The following ESRRG variants were observed in gnomAD, a reference collection of about 807,000 sequenced individuals.
ESRRG encodes the protein estrogen related receptor gamma, also known as estrogen-related receptor gamma.
ESRRG carries 13 observed loss-of-function variants against 44.0 expected under a neutral mutation model. The ratio of observed to expected loss-of-function variants is 0.30; its 90% CI spans 0.19 to 0.47. ESRRG has a LOEUF of 0.47. ESRRG is among the 20% of genes least tolerant of loss of function. The pLI is 1.00. For missense variants in ESRRG, 395 were observed against 580.6 expected, an observed-to-expected ratio of 0.68 and a Z score of 3.29; for synonymous variants, 215 against 214.6, an observed-to-expected ratio of 1.00 and a Z score of -0.02.
chr1:216,973,744 T>C (rs934709474), intron 1 of ESRRG, among the ~76,000 whole-genome samples: 6 of 151,400 alleles, frequency 4.0e-5, no homozygotes, highest in Non-Finnish European at 8.8e-5. Context: ...AAGAATTGCT[T>C]GAACCTGGGA....
At chr1:216,801,674 A>T (rs936081443) in intron 2 of ESRRG, among the ~76,000 whole-genome samples, 1 of 152,074 alleles carries the variant, frequency 6.6e-6, no homozygotes, top group Non-Finnish European at 1.5e-5. Context: ...TTCGATTTGC[A>T]TCTCCCTAAT....
intron 2 of ESRRG, among the ~76,000 whole-genome samples, chr1:216,751,648 C>A (rs1021583244): frequency 6.6e-6 from 1 of 152,036 alleles, no homozygotes; most frequent in Non-Finnish European, 1.5e-5. Flanking sequence ...CCAAAAGACA[C>A]AAGATGGCTA....
chr1:216,677,101 C>T lies in ESRRG; in HGVS notation c.447G>A (p.Lys149=). The change falls in exon 2 of 7, where the codon AAG becomes AAA. Residue 149 remains lysine, a synonymous_variant. Transcript: ENST00000408911. Reference sequence around the variant, plus strand: ...CTTGAATTGTCCTCTTGAAGAATGCCTTGCAGGCTTCACATGATGCTACCC... The same window carrying T: ...CTTGAATTGTCCTCTTGAAGAATGCTTTGCAGGCTTCACATGATGCTACCC... ...HYGVASCEAC[K]AFFKRTIQGN... 4 of 1,614,090 alleles carry T rather than the reference C, an allele frequency of 2.5e-6. No individual in the cohort carries two copies. Among genetic ancestry groups the T allele is most frequent in the Non-Finnish European group, 3.4e-6 (4 of 1,179,964 alleles).
chr1:216,784,411 G>C (rs967823840), intron 2 of ESRRG, among the ~76,000 whole-genome samples: 1 of 151,910 alleles, frequency 6.6e-6, no homozygotes, highest in Non-Finnish European at 1.5e-5. Flanking sequence ...ATGAGTCATA[G>C]TAAAAGAAAG....
intron 5 of ESRRG, among the ~76,000 whole-genome samples, chr1:216,563,016 C>G (rs1003880983): frequency 6.6e-6 from 1 of 152,122 alleles, no homozygotes; most frequent in Non-Finnish European, 1.5e-5. Flanking sequence ...TCCACACAAT[C>G]AAATTCTTAT....
intron 1 of ESRRG, among the ~76,000 whole-genome samples, chr1:216,953,368 A>T (rs1027938595): frequency 2.0e-5 from 3 of 151,970 alleles, no homozygotes; most frequent in Non-Finnish European, 4.4e-5. Flanking sequence ...CATTTATGTA[A>T]CCCCCCTGTT....
intron 3 of ESRRG, among the ~76,000 whole-genome samples, chr1:216,632,297 A>G (rs553385348): frequency 6.6e-6 from 1 of 152,314 alleles, no homozygotes; most frequent in South Asian, 2.1e-4. Flanking sequence ...GTTCTATGCA[A>G]CTTATGTATC....
At chr1:216,774,840 C>T (rs1163443022) in intron 2 of ESRRG, among the ~76,000 whole-genome samples, 2 of 127,428 alleles carry the variant, frequency 1.6e-5, no homozygotes, top group South Asian at 5.1e-4. Context: ...GTCAACCAGG[C>T]TGGAGTGCTG....
At chr1:216,696,339 T>C (rs1476518788) in intron 1 of ESRRG, among the ~76,000 whole-genome samples, 3 of 152,178 alleles carry the variant, frequency 2.0e-5, no homozygotes, top group Admixed American at 2.0e-4. Context: ...ACTTAATATG[T>C]CAACTGTAGA....
chr1:216,556,586 C>T (rs2057632249), intron 5 of ESRRG, among the ~76,000 whole-genome samples: 2 of 152,156 alleles, frequency 1.3e-5, no homozygotes, highest in Admixed American at 1.3e-4. Context: ...TAGCACTTCA[C>T]TGCCTTCAGA....
At chr1:216,629,772 A>G (rs556484148) in intron 3 of ESRRG, among the ~76,000 whole-genome samples, 1 of 152,328 alleles carries the variant, frequency 6.6e-6, no homozygotes, top group Non-Finnish European at 1.5e-5. Context: ...TTAGAATTTG[A>G]TGATTTTGTT....
intron 2 of ESRRG, among the ~76,000 whole-genome samples, chr1:216,833,309 G>A (rs930006173): frequency 2.6e-5 from 4 of 152,286 alleles, no homozygotes; most frequent in Admixed American, 1.3e-4. Context: ...TAGAAATAAC[G>A]TGTAAGGTGA....
chr1:216,679,142 G>A (rs2076592538), intron 1 of ESRRG, among the ~76,000 whole-genome samples: 1 of 152,188 alleles, frequency 6.6e-6, no homozygotes, highest in African/African-American at 2.4e-5. Flanking sequence ...CGAAAGCCAC[G>A]AAAATATCTT....
At chr1:216,781,919 CCT>C (rs2093951956) in intron 2 of ESRRG, among the ~76,000 whole-genome samples, 1 of 151,988 alleles carries the variant, frequency 6.6e-6, no homozygotes, top group African/African-American at 2.4e-5. Flanking sequence ...AGGTGACAAG[CCT>C]CTGATTGAAA....
chr1:217,031,899 G>A (rs1461464260), intron 1 of ESRRG, among the ~76,000 whole-genome samples: 1 of 152,164 alleles, frequency 6.6e-6, no homozygotes, highest in Non-Finnish European at 1.5e-5. Flanking sequence ...CTGTGGAAAT[G>A]TGATTCAATT....
At chr1:216,575,325 T>G (rs933734225) in intron 3 of ESRRG, among the ~76,000 whole-genome samples, 2 of 152,150 alleles carry the variant, frequency 1.3e-5, no homozygotes, top group Non-Finnish European at 2.9e-5. Context: ...CAAAATAGAT[T>G]ATGATATTGT....
At chr1:216,614,464 T>C (rs956407624) in intron 3 of ESRRG, among the ~76,000 whole-genome samples, 1 of 152,170 alleles carries the variant, frequency 6.6e-6, no homozygotes, top group African/African-American at 2.4e-5. Context: ...TGAATATATA[T>C]CTGGTGAGTA....
intron 1 of ESRRG, among the ~76,000 whole-genome samples, chr1:216,980,010 G>C (rs1022640360): frequency 1.4e-4 from 22 of 151,914 alleles, no homozygotes; most frequent in African/African-American, 5.1e-4. Flanking sequence ...TAAACCTAAG[G>C]ACTCTTCCAT....
At chr1:216,746,335 C>G (rs568673749) in intron 2 of ESRRG, among the ~76,000 whole-genome samples, 24 of 152,162 alleles carry the variant, frequency 1.6e-4, no homozygotes, top group Admixed American at 1.4e-3. Context: ...AGAGGAGGCC[C>G]AAGCTAGGCT....
Sources: gnomAD v4.1 joint callset for allele counts (sites outside exome capture counted in the v4.1 genomes callset) on GRCh38, gnomAD v4.1.1 for gene constraint, MANE v1.5 for transcripts, NCBI Gene and HGNC (gene_info 2026-07-23, HGNC 2026-07-21) for gene names.